EFCAB13: variants seen among roughly 807,000 people sequenced by gnomAD.
EFCAB13 encodes the protein EF-hand calcium binding domain 13, also known as EF-hand calcium-binding domain-containing protein 13.
EFCAB13 carries 91 observed loss-of-function variants against 110.2 expected under a neutral mutation model. The ratio of observed to expected loss-of-function variants is 0.83; its 90% CI spans 0.70 to 0.98. EFCAB13 has a LOEUF of 0.98. EFCAB13 is among the 50% of genes least tolerant of loss of function. The pLI is 0.00. For synonymous variants in EFCAB13, 323 were observed against 369.9 expected (o/e 0.87, Z 1.45); for missense variants, 968 against 1,119.4 (o/e 0.86, Z 1.93).
At chr17:47,396,733 C>T (rs1258855498) in intron 17 of EFCAB13, among the ~76,000 whole-genome samples, 1 of 152,274 alleles carries the variant, frequency 6.6e-6, no homozygotes, top group African/African-American at 2.4e-5. Flanking sequence ...CCTTTTCATC[C>T]ATTAAGCTTC....
At chr17:47,380,945 C>T (rs1459011689) in intron 14 of EFCAB13, among the ~76,000 whole-genome samples, 17 of 147,874 alleles carry the variant, frequency 1.1e-4, no homozygotes, top group African/African-American at 3.5e-4. Flanking sequence ...TGCAGTGGCA[C>T]GGTCTTGGCT....
Position 47,374,951 on chromosome 17 carries a change from G to A in EFCAB13, c.1357G>A (p.Ala453Thr), listed in dbSNP as rs947934198. 3.8e-6 allele frequency: 6 copies of A among 1,577,112 alleles called. No individual in the cohort carries two copies. The highest frequency in any genetic ancestry group is 3.4e-6 in the Non-Finnish European group (4 of 1,167,832). ...QKQVSSTEKT[A>T]ISTLENFCEA... ...ACAGGTTTCGTCTACGGAAAAAACT[G>A]CAATTAGTACTCTGGGTAAGTAAAA... is the stretch of plus-strand genomic sequence containing the variant. Residue 453 changes from alanine (A) to threonine (T), a missense_variant, in exon 12 of 25, where the codon GCA becomes ACA. Physicochemically the swap from Ala to Thr is moderately conservative, Grantham distance 58 (BLOSUM62 0). Transcript: ENST00000331493.
In EFCAB13 at chr17:47,394,076, C is replaced by A; in HGVS notation, c.1778C>A (p.Thr593Lys). The A allele has an allele frequency of 5.2e-6, 8 of 1,536,372 alleles. No homozygotes were observed. The highest frequency in any genetic ancestry group is 7.0e-6 in the Non-Finnish European group (8 of 1,144,678). ...KEFIDTMMSN[T>K]ECFSEKLVLP... ...TTCATTGATACTATGATGAGCAACA[C>A]GGAATGCTTCTCTGAAAAATTAGGT... Residue 593 changes from threonine to lysine, a missense_variant, in exon 16 of 25, where the codon ACG becomes AAG. Coordinates refer to ENST00000331493, the MANE Select transcript of EFCAB13 (RefSeq NM_152347.5).
chr17:47,369,307 C>G (rs1192649784), intron 10 of EFCAB13, among the ~76,000 whole-genome samples: 1 of 152,186 alleles, frequency 6.6e-6, no homozygotes, highest in Non-Finnish European at 1.5e-5. Flanking sequence ...TTATTCCCAA[C>G]TCATTGAAGG....
In EFCAB13 at chr17:47,335,320, C is replaced by T. The variant is rs759102054; in HGVS notation, c.155C>T (p.Pro52Leu). The stretch of plus-strand genomic sequence containing the variant: ...AAAACAATAGAGAAGGAAATTTCAC[C>T]GGAAATTAGGAGTTTGAGCCCAGAA... Reference protein sequence around the residue: ...FSKTIEKEISPEIRSLSPEYK... With the variant: ...FSKTIEKEISLEIRSLSPEYK... Residue 52 changes from proline (P) to leucine (L), a missense_variant, in exon 5 of 25, where the codon CCG becomes CTG. Pro to Leu is a moderately conservative substitution (Grantham distance 98, BLOSUM62 -3). Transcript: ENST00000331493. 33 of 1,603,946 alleles carry T rather than the reference C, an allele frequency of 2.1e-5. No individual in the cohort carries two copies. The highest frequency in any genetic ancestry group is 1.4e-4 in the Admixed American group (8 of 58,178).
At chr17:47,421,089 G>A (rs545336694) in intron 23 of EFCAB13, among the ~76,000 whole-genome samples, 24 of 148,798 alleles carry the variant, frequency 1.6e-4, no homozygotes, top group Admixed American at 6.0e-4. Flanking sequence ...GCCCGGCCGC[G>A]CCTACTGGGA....
chr17:47,325,923 A>AATATATATATGTGTATAT (rs1555575761), intron 2 of EFCAB13, among the ~76,000 whole-genome samples: 1 of 102,552 alleles, frequency 9.8e-6, no homozygotes, highest in African/African-American at 3.8e-5. Flanking sequence ...ATATAAACAA[A>AATATATATATGTGTATAT]ATATATATAT....
rs192271018 is a variant in EFCAB13 at position 47,378,237 on chromosome 17, G to T, written c.1510+334G>T. Among the ~76,000 whole-genome samples, 139 of 152,194 alleles carry T rather than the reference G, an allele frequency of 9.1e-4. 2 individuals are homozygous for T. The East Asian group carries it at 0.019, about 21-fold the overall frequency. ...ATGGCAAGACCACAATATCTAAGGG[G>T]TATGGATATATCTGCACAAATAGCC... On this transcript the variant is annotated intron_variant, in intron 13 of 24. Transcript: ENST00000331493.
intron 23 of EFCAB13, among the ~76,000 whole-genome samples, chr17:47,429,074 C>T (rs560606378): frequency 1.3e-5 from 2 of 152,178 alleles, no homozygotes; most frequent in South Asian, 4.1e-4. Flanking sequence ...GCAAGCTATA[C>T]CTTCTATTTC....
At position 47,374,512 on chromosome 17, in the gene EFCAB13, C is replaced by A; in HGVS notation, c.918C>A (p.Asp306Glu). The A allele has an allele frequency of 6.4e-7, 1 of 1,551,988 alleles. No homozygotes were observed. The highest frequency in any genetic ancestry group is 8.6e-7 in the Non-Finnish European group (1 of 1,156,480). ...EGSPLNEITS[D>E]RKLSSVAGCY... ...CACCTTTGAATGAAATTACTTCAGACAGAAAGTTATCAAGTGTAGCAGGAT... is the reference window on the plus strand; with the variant it reads ...CACCTTTGAATGAAATTACTTCAGAAAGAAAGTTATCAAGTGTAGCAGGAT... Residue 306 changes from aspartate to glutamate, a missense_variant, in exon 12 of 25, where the codon GAC becomes GAA. Coordinates refer to ENST00000331493, the MANE Select transcript of EFCAB13 (RefSeq NM_152347.5).
chr17:47,395,746 C>T, intron 16 of EFCAB13, 88 bp from the exon 17 acceptor site: 3 of 1,180,022 alleles, frequency 2.5e-6, no homozygotes, highest in South Asian at 2.7e-5. Flanking sequence ...CCATAAAAAC[C>T]TTAATTTTTG....
intron 14 of EFCAB13, among the ~76,000 whole-genome samples, chr17:47,380,901 G>A (rs1187355929): frequency 8.0e-5 from 3 of 37,732 alleles, no homozygotes; most frequent in Non-Finnish European, 1.5e-4. Flanking sequence ...TTTTTTTTTT[G>A]AGACAAAGTC....
At chr17:47,334,212 A>G (rs1159963696) in intron 4 of EFCAB13, among the ~76,000 whole-genome samples, 1 of 151,984 alleles carries the variant, frequency 6.6e-6, no homozygotes, top group Non-Finnish European at 1.5e-5. Context: ...ATCCCATTAT[A>G]ATGTTGAGCC....
chr17:47,364,353 C>T (rs928478477), intron 10 of EFCAB13, among the ~76,000 whole-genome samples: 7 of 152,078 alleles, frequency 4.6e-5, no homozygotes, highest in African/African-American at 1.2e-4. Flanking sequence ...TCCACTCTGT[C>T]GCCAGACTGT....
intron 9 of EFCAB13, among the ~76,000 whole-genome samples, chr17:47,351,613 A>G (rs1356943016): frequency 6.6e-6 from 1 of 152,006 alleles, no homozygotes; most frequent in African/African-American, 2.4e-5. Context: ...TCATTTGCCC[A>G]CTTTTTAACA....
At chr17:47,397,246 G>A (rs1256271344) in intron 17 of EFCAB13, among the ~76,000 whole-genome samples, 1 of 152,274 alleles carries the variant, frequency 6.6e-6, no homozygotes, top group African/African-American at 2.4e-5. Flanking sequence ...GCTCCTAGCC[G>A]CGAGTGATCC....
chr17:47,427,355 G>C (rs1387781039), intron 23 of EFCAB13, among the ~76,000 whole-genome samples: 1 of 151,940 alleles, frequency 6.6e-6, no homozygotes, highest in Non-Finnish European at 1.5e-5. Flanking sequence ...AATAATTTAA[G>C]TTTTCTTATT....
chr17:47,360,865 ATC>A (rs2065508902), intron 9 of EFCAB13, among the ~76,000 whole-genome samples: 4 of 152,086 alleles, frequency 2.6e-5, no homozygotes, highest in Admixed American at 2.6e-4. Context: ...TTTCCCAGCA[ATC>A]TGTTTAATTT....
intron 4 of EFCAB13, among the ~76,000 whole-genome samples, chr17:47,331,731 A>G (rs991020612): frequency 1.3e-5 from 2 of 152,012 alleles, no homozygotes; most frequent in African/African-American, 4.8e-5. Flanking sequence ...CTAGCTATTT[A>G]CTTCTCCTTC....
Sources: gnomAD v4.1 joint callset for allele counts (sites outside exome capture counted in the v4.1 genomes callset) on GRCh38, gnomAD v4.1.1 for gene constraint, MANE v1.5 for transcripts, NCBI Gene and HGNC (gene_info 2026-07-23, HGNC 2026-07-21) for gene names.